TMC1: variants seen among roughly 807,000 people sequenced by gnomAD.
TMC1 encodes transmembrane channel-like protein 1.
A neutral mutation model predicts 105.8 loss-of-function variants in TMC1; 84 were observed. The observed-to-expected ratio is 0.79, with a 90% CI of 0.67 to 0.95. TMC1 has a LOEUF of 0.95. Among genes scored for constraint, TMC1 ranks in the 40% least tolerant of loss-of-function variants. The pLI, the probability that TMC1 is intolerant of heterozygous loss-of-function variation, is 0.00. For synonymous variants in TMC1, 315 were observed against 311.5 expected (o/e 1.01, Z -0.12); for missense variants, 817 against 914.1 (o/e 0.89, Z 1.37).
chr9:72,561,345 G>C (rs1288071775), intron 1 of TMC1, among the ~76,000 whole-genome samples: 12 of 146,458 alleles, frequency 8.2e-5, no homozygotes, highest in African/African-American at 3.1e-4. Flanking sequence ...AAAAAAGAGA[G>C]AGAGAAAATA....
chr9:72,688,802 A>G (rs753008093), intron 6 of TMC1, 46 bp downstream of exon 6: 5 of 1,497,018 alleles, frequency 3.3e-6, no homozygotes, highest in Non-Finnish European at 4.6e-6. Context: ...ATGGAATACC[A>G]GTAAACTCAA....
At chr9:72,698,880 G>T (rs549666988) in intron 7 of TMC1, among the ~76,000 whole-genome samples, 19 of 152,120 alleles carry the variant, frequency 1.2e-4, no homozygotes, top group Non-Finnish European at 2.8e-4. Flanking sequence ...TGGCAAGGAC[G>T]CTCAGCTCCA....
At chr9:72,697,584 G>C (rs1263594086) in intron 7 of TMC1, among the ~76,000 whole-genome samples, 1 of 152,074 alleles carries the variant, frequency 6.6e-6, no homozygotes, top group Non-Finnish European at 1.5e-5. Context: ...TATTAGAATT[G>C]TTTCTATTAA....
chr9:72,573,510 G>T (rs1824323049), intron 1 of TMC1, among the ~76,000 whole-genome samples: 1 of 152,182 alleles, frequency 6.6e-6, no homozygotes, highest in Non-Finnish European at 1.5e-5. Context: ...GACAAAAGGG[G>T]CAATTGTTAA....
At chr9:72,830,734 C>CTTTTTT (rs770040006) in intron 23 of TMC1, 52 bp downstream of exon 23, 4 of 1,235,886 alleles carry the variant, frequency 3.2e-6, no homozygotes, top group African/African-American at 1.6e-5. Flanking sequence ...TTTTCTTTTT[C>CTTTTTT]TTTCTTTTTT....
chr9:72,537,821 T>C (rs1823608689), intron 1 of TMC1, among the ~76,000 whole-genome samples: 1 of 152,162 alleles, frequency 6.6e-6, no homozygotes, highest in Non-Finnish European at 1.5e-5. Context: ...TTGAATGAGT[T>C]AAGCTCTGCC....
Position 72,688,600 on chromosome 9 carries a change from G to A in TMC1, c.17-109G>A, listed in dbSNP as rs1251305092. On this transcript the variant is annotated intron_variant, in intron 5 of 23. Coordinates refer to ENST00000297784, the MANE Select transcript of TMC1 (RefSeq NM_138691.3). The stretch of plus-strand genomic sequence containing the variant: ...ATTTTGGCAAGTTTATGGAAAAATT[G>A]TATTAACTGCACAAAAACATTATGA... The A allele has an allele frequency of 1.5e-5, 16 of 1,047,176 alleles. No individual in the cohort carries two copies. The African/African-American group carries it at 2.3e-4, about 15-fold the overall frequency. 64.9% of individuals were successfully genotyped at this position (1,047,176 alleles called of 1,614,324 possible). A position where few individuals can be genotyped will look rare whatever the true frequency, so the allele number is the denominator to read the frequency against.
chr9:72,534,418 C>G (rs536323147), intron 1 of TMC1, among the ~76,000 whole-genome samples: 1 of 152,076 alleles, frequency 6.6e-6, no homozygotes, highest in African/African-American at 2.4e-5. Flanking sequence ...AGGTGCTGAA[C>G]AGACATTCTA....
At position 72,792,370 on chromosome 9, in the gene TMC1, A is replaced by G. The variant is rs1828286987; in HGVS notation, c.1566+18A>G. On this transcript the variant is annotated intron_variant, in intron 17 of 23. Coordinates refer to ENST00000297784, the MANE Select transcript of TMC1 (RefSeq NM_138691.3). ...TGGGACAGGTAATGCCACCAACAGA[A>G]GTGTATGGCAATTAGTAGATTAAAA... The G allele has an allele frequency of 4.3e-6, 7 of 1,613,882 alleles. No homozygotes were observed. In the East Asian group the frequency reaches 1.6e-4, roughly 36 times the overall value.
At chr9:72,795,787 A>G (rs1828354098) in intron 17 of TMC1, among the ~76,000 whole-genome samples, 2 of 152,210 alleles carry the variant, frequency 1.3e-5, no homozygotes, top group African/African-American at 4.8e-5. Context: ...GATTAAATCC[A>G]TACATATTAA....
chr9:72,811,800 A>G (rs1354764313), intron 18 of TMC1, among the ~76,000 whole-genome samples: 2 of 152,168 alleles, frequency 1.3e-5, no homozygotes, highest in African/African-American at 4.8e-5. Context: ...CATATAATTG[A>G]CTGACTACCT....
At chr9:72,573,649 T>G (rs970282877) in intron 1 of TMC1, among the ~76,000 whole-genome samples, 9 of 152,362 alleles carry the variant, frequency 5.9e-5, no homozygotes, top group African/African-American at 2.2e-4. Flanking sequence ...TGGTTTATAA[T>G]GATTCTAAAT....
At chr9:72,679,550 T>C (rs1826255746) in intron 5 of TMC1, among the ~76,000 whole-genome samples, 1 of 152,104 alleles carries the variant, frequency 6.6e-6, no homozygotes, top group Non-Finnish European at 1.5e-5. Flanking sequence ...CTCATAGTTC[T>C]GGAGGCTGGA....
chr9:72,811,839 A>G (rs1828710990), intron 18 of TMC1, among the ~76,000 whole-genome samples: 1 of 152,208 alleles, frequency 6.6e-6, no homozygotes, highest in South Asian at 2.1e-4. Flanking sequence ...ATTATATTGT[A>G]TTATGTCACA....
At chr9:72,580,538 C>G (rs1824458382) in intron 2 of TMC1, among the ~76,000 whole-genome samples, 1 of 150,096 alleles carries the variant, frequency 6.7e-6, no homozygotes, top group Admixed American at 6.7e-5. Flanking sequence ...AACCTCTTCT[C>G]TAAATCTGAC....
chr9:72,815,486 G>A (rs1828771819), intron 18 of TMC1, among the ~76,000 whole-genome samples: 1 of 152,022 alleles, frequency 6.6e-6, no homozygotes, highest in African/African-American at 2.4e-5. Flanking sequence ...AAAAAGAAAA[G>A]GAAAACTATA....
chr9:72,778,104 G>A (rs1828034123), intron 13 of TMC1, among the ~76,000 whole-genome samples: 1 of 152,154 alleles, frequency 6.6e-6, no homozygotes, highest in African/African-American at 2.4e-5. Context: ...AGTGGTTTTG[G>A]CCAATGTAGT....
intron 12 of TMC1, among the ~76,000 whole-genome samples, chr9:72,761,385 G>T (rs927361124): frequency 1.3e-5 from 2 of 152,154 alleles, no homozygotes; most frequent in Non-Finnish European, 2.9e-5. Context: ...TATGGGTAAA[G>T]GTTTAAGTTG....
chr9:72,566,366 G>A (rs1352560948), intron 1 of TMC1, among the ~76,000 whole-genome samples: 10 of 151,522 alleles, frequency 6.6e-5, no homozygotes, highest in Admixed American at 2.6e-4. Context: ...ACTATCTGCC[G>A]TCAACTCTAT....
Sources: gnomAD v4.1 joint callset for allele counts (sites outside exome capture counted in the v4.1 genomes callset) on GRCh38, gnomAD v4.1.1 for gene constraint, MANE v1.5 for transcripts, NCBI Gene and HGNC (gene_info 2026-07-23, HGNC 2026-07-21) for gene names.